The following CECR2 variants were observed in gnomAD, a reference collection of about 807,000 sequenced individuals.
The protein encoded by CECR2 is chromatin remodeling regulator CECR2.
CECR2 carries 30 observed loss-of-function variants against 154.5 expected under a neutral mutation model. That is an observed-to-expected ratio of 0.19 (90% CI 0.15 to 0.26). The LOEUF is 0.26. CECR2 is among the 10% of genes least tolerant of loss of function. CECR2 has a pLI of 1.00. For synonymous variants in CECR2, 725 were observed against 683.7 expected (o/e 1.06, Z -0.94); for missense variants, 1,743 against 1,829.3 (o/e 0.95, Z 0.86).
At chr22:17,483,351 G>A (rs924173660) in intron 2 of CECR2, among the ~76,000 whole-genome samples, 1 of 152,206 alleles carries the variant, frequency 6.6e-6, no homozygotes, top group Non-Finnish European at 1.5e-5. Flanking sequence ...TTTGAGGCCA[G>A]GAGTTCGAGA....
At chr22:17,506,332 G>A (rs1326059550) in intron 7 of CECR2, among the ~76,000 whole-genome samples, 1 of 151,686 alleles carries the variant, frequency 6.6e-6, no homozygotes, top group Non-Finnish European at 1.5e-5. Flanking sequence ...TCCCTATGTT[G>A]CCTGGGCTGG....
In CECR2 at chr22:17,477,655, A is replaced by G; in HGVS notation, c.194A>G (p.Gln65Arg). ...FISDLIACLL[Q>R]GCYQRRDITP... ...AGTGACCTGATTGCCTGCCTGCTTCAGGGCTGCTATCAACGAAGAGATATC... is the reference window on the plus strand; with the variant it reads ...AGTGACCTGATTGCCTGCCTGCTTCGGGGCTGCTATCAACGAAGAGATATC... The change falls in exon 2 of 19, where the codon CAG becomes CGG. Residue 65 changes from glutamine (Q) to arginine (R), a missense_variant. By Grantham distance (43) the Gln-to-Arg change is conservative (BLOSUM62 1). Around this residue, in one of 4 missense-constraint regions of CECR2, gnomAD observed 98 missense variants for 169.3 expected, o/e 0.58. Transcript: ENST00000262608. 6.2e-7 allele frequency: 1 copy of G among 1,613,044 alleles called. No individual in the cohort carries two copies. The highest frequency in any genetic ancestry group is 8.5e-7 in the Non-Finnish European group (1 of 1,179,064).
At chr22:17,423,915 C>T (rs989751901) in intron 1 of CECR2, among the ~76,000 whole-genome samples, 9 of 152,110 alleles carry the variant, frequency 5.9e-5, no homozygotes, top group African/African-American at 1.9e-4. Context: ...CATGCTGAAC[C>T]GGAATCCCAT....
chr22:17,478,920 T>C (rs924338022), intron 2 of CECR2, among the ~76,000 whole-genome samples: 1 of 152,198 alleles, frequency 6.6e-6, no homozygotes, highest in Non-Finnish European at 1.5e-5. Flanking sequence ...GTTCTCTATT[T>C]AGGATGTAGA....
At chr22:17,522,275 AC>A (rs1301199947) in intron 8 of CECR2, among the ~76,000 whole-genome samples, 1 of 152,168 alleles carries the variant, frequency 6.6e-6, no homozygotes, top group African/African-American at 2.4e-5. Context: ...GTTTTGTTTT[AC>A]TTTGCTTTGT....
intron 8 of CECR2, among the ~76,000 whole-genome samples, chr22:17,513,525 T>A (rs1802340025): frequency 6.6e-6 from 1 of 152,216 alleles, no homozygotes; most frequent in South Asian, 2.1e-4. Flanking sequence ...TTTACTTCAG[T>A]ATATTTTGAT....
intron 8 of CECR2, among the ~76,000 whole-genome samples, chr22:17,515,107 A>C (rs2056028185): frequency 6.6e-6 from 1 of 152,050 alleles, no homozygotes; most frequent in African/African-American, 2.4e-5. Context: ...ATTTAGGTAA[A>C]ATTGTAATTG....
At chr22:17,547,207 G>T (rs191426400) in intron 16 of CECR2, among the ~76,000 whole-genome samples, 24 of 151,582 alleles carry the variant, frequency 1.6e-4, no homozygotes, top group Admixed American at 5.3e-4. Context: ...ATTGGGCTTA[G>T]TAAATTTCCA....
In CECR2 at chr22:17,545,091, T is replaced by C. The variant is rs149288714; in HGVS notation, c.2860+2088T>C. ...GAAGCAGTTTCTTAGAAATACCATT[T>C]AGGCCAGGCGCAGTGGCTCACATCT... On this transcript the variant is annotated intron_variant, in intron 16 of 18. Coordinates refer to ENST00000262608, the MANE Select transcript of CECR2 (RefSeq NM_001290047.2). 6.6e-5 allele frequency among the ~76,000 whole-genome samples: 10 copies of C among 152,194 alleles called. No homozygotes were observed. The East Asian group carries it at 1.9e-3, about 29-fold the overall frequency.
intron 1 of CECR2, among the ~76,000 whole-genome samples, chr22:17,466,596 G>C (rs1043516336): frequency 4.7e-5 from 6 of 128,394 alleles, no homozygotes; most frequent in Non-Finnish European, 9.8e-5. Flanking sequence ...TTAAAACCTT[G>C]CCTTTTTTTT....
chr22:17,380,949 ACTT>A (rs1278445221), intron 1 of CECR2, among the ~76,000 whole-genome samples: 2 of 152,170 alleles, frequency 1.3e-5, no homozygotes, highest in African/African-American at 4.8e-5. Context: ...TAACAGATCT[ACTT>A]CTTTAGCAAA....
intron 14 of CECR2, among the ~76,000 whole-genome samples, 182 bp from the exon 15 acceptor site, chr22:17,541,657 C>T (rs2056523946): frequency 6.6e-6 from 1 of 152,164 alleles, no homozygotes; most frequent in South Asian, 2.1e-4. Flanking sequence ...GAAGTTGCTT[C>T]AGGCTCATAG....
chr22:17,421,488 G>A (rs889908032), intron 1 of CECR2, among the ~76,000 whole-genome samples: 1 of 151,138 alleles, frequency 6.6e-6, no homozygotes, highest in African/African-American at 2.4e-5. Context: ...AGTGGCGGGC[G>A]CCTGTAGTCC....
chr22:17,540,020 G>A (rs146786315), intron 13 of CECR2, among the ~76,000 whole-genome samples: 20 of 152,136 alleles, frequency 1.3e-4, no homozygotes, highest in East Asian at 9.7e-4. Context: ...TGGTAGGGAC[G>A]GGTGTCTCAC....
At chr22:17,448,179 T>A (rs929767833) in intron 1 of CECR2, among the ~76,000 whole-genome samples, 6 of 152,218 alleles carry the variant, frequency 3.9e-5, no homozygotes, top group Non-Finnish European at 5.9e-5. Flanking sequence ...TTTTACCACA[T>A]GTAATTAGCT....
intron 8 of CECR2, among the ~76,000 whole-genome samples, chr22:17,513,186 G>GA (rs1052594203): frequency 4.0e-5 from 6 of 151,822 alleles, no homozygotes; most frequent in East Asian, 3.9e-4. Context: ...CCCCACCTCT[G>GA]AAAAAAAATA....
intron 1 of CECR2, among the ~76,000 whole-genome samples, chr22:17,454,291 CCT>C (rs1024260442): frequency 2.0e-5 from 3 of 147,200 alleles, no homozygotes; most frequent in Non-Finnish European, 4.5e-5. Flanking sequence ...AGAGTGAGAC[CCT>C]GTCACAAAAA....
At chr22:17,441,259 A>C (rs978746464) in intron 1 of CECR2, among the ~76,000 whole-genome samples, 74 of 152,230 alleles carry the variant, frequency 4.9e-4, no homozygotes, top group African/African-American at 1.7e-3. Context: ...CTATTAACAC[A>C]TTAAAATGAT....
At chr22:17,471,480 G>A (rs1237487205) in intron 1 of CECR2, among the ~76,000 whole-genome samples, 1 of 152,162 alleles carries the variant, frequency 6.6e-6, no homozygotes, top group Non-Finnish European at 1.5e-5. Flanking sequence ...AACTTTCGCA[G>A]TGCTCAGGAA....
Sources: gnomAD v4.1 joint callset for allele counts (sites outside exome capture counted in the v4.1 genomes callset) on GRCh38, gnomAD v4.1.1 for gene constraint, gnomAD v4.1.1 regional missense constraint, MANE v1.5 for transcripts, NCBI Gene and HGNC (gene_info 2026-07-23, HGNC 2026-07-21) for gene names.